PTPRD: variants seen among roughly 807,000 people sequenced by gnomAD.
PTPRD encodes the protein protein tyrosine phosphatase receptor type D.
Under a neutral mutation model 214.5 loss-of-function variants are expected in PTPRD, and 34 were observed. The observed-to-expected ratio is 0.16, with a 90% CI of 0.12 to 0.21. The LOEUF is 0.21. Ranked by LOEUF, PTPRD falls within the 10% of genes least tolerant of loss-of-function variation. The pLI is 1.00. For synonymous variants in PTPRD, 1,128 were observed against 845.7 expected (o/e 1.33, Z -5.79); for missense variants, 2,545 against 2,398.7 (o/e 1.06, Z -1.27).
intron 11 of PTPRD, among the ~76,000 whole-genome samples, chr9:9,002,998 G>C (rs995416858): frequency 6.6e-6 from 1 of 152,044 alleles, no homozygotes; most frequent in Non-Finnish European, 1.5e-5. Flanking sequence ...AATCACCGTA[G>C]AAGTATTTAA....
rs75225598 is a variant in PTPRD, at chr9:8,908,239, A to G, written c.-104+110458T>C. ...GAAAGCAAAATAAAGACATTCTAAAATAAGGAAAGACTAAGATGTTTGTTG... is the reference window on the plus strand; with the variant it reads ...GAAAGCAAAATAAAGACATTCTAAAGTAAGGAAAGACTAAGATGTTTGTTG... On this transcript the variant is annotated intron_variant, in intron 11 of 45. Coordinates refer to ENST00000381196, the MANE Select transcript of PTPRD (RefSeq NM_002839.4). 1.7e-4 allele frequency among the ~76,000 whole-genome samples: 26 copies of G among 152,350 alleles called. No homozygotes were observed. The East Asian group carries it at 5.0e-3, about 29-fold the overall frequency.
intron 11 of PTPRD, among the ~76,000 whole-genome samples, chr9:9,008,166 A>G (rs1197525029): frequency 2.0e-5 from 3 of 149,140 alleles, no homozygotes; most frequent in African/African-American, 4.9e-5. Context: ...GCCACAGTCC[A>G]TGAGAGTCTG....
At chr9:8,500,427 T>G (rs1481928452) in intron 24 of PTPRD, among the ~76,000 whole-genome samples, 1 of 149,880 alleles carries the variant, frequency 6.7e-6, no homozygotes, top group Non-Finnish European at 1.5e-5. Context: ...GTAAAAGAAG[T>G]GACTACAAAA....
chr9:9,751,652 C>T (rs534059071), intron 6 of PTPRD, among the ~76,000 whole-genome samples: 6 of 152,062 alleles, frequency 3.9e-5, no homozygotes, highest in Admixed American at 1.3e-4. Flanking sequence ...AAGAGACACA[C>T]GGTACAAACA....
rs764915232 is a variant in PTPRD, at chr9:8,809,073, G to A, written c.-103-75127C>T. Among the ~76,000 whole-genome samples, 6 of 152,204 alleles carry A rather than the reference G, an allele frequency of 3.9e-5. No homozygotes were observed. The East Asian group carries it at 9.7e-4, about 25-fold the overall frequency. On this transcript the variant is annotated intron_variant, in intron 11 of 45. Coordinates refer to ENST00000381196, the MANE Select transcript of PTPRD (RefSeq NM_002839.4). ...CTAAGACCACAGCTTGGTTTTCAAG[G>A]TCACCAAGCTAGTTGTTACACCACT...
At chr9:10,418,617 C>T (rs1478661121) in intron 2 of PTPRD, among the ~76,000 whole-genome samples, 2 of 151,968 alleles carry the variant, frequency 1.3e-5, no homozygotes, top group East Asian at 2.0e-4. Flanking sequence ...CCCACTCCCA[C>T]TTCCACCCTA....
At chr9:10,270,167 T>C (rs1043699027) in intron 3 of PTPRD, among the ~76,000 whole-genome samples, 3 of 152,120 alleles carry the variant, frequency 2.0e-5, no homozygotes, top group Non-Finnish European at 4.4e-5. Context: ...GGAAATATAA[T>C]TACATACATA....
chr9:9,358,842 AG>A (rs1157315215), intron 9 of PTPRD, among the ~76,000 whole-genome samples: 1 of 151,356 alleles, frequency 6.6e-6, no homozygotes, highest in Non-Finnish European at 1.5e-5. Context: ...ATTCTTGTAT[AG>A]GAAACTCAAG....
intron 2 of PTPRD, among the ~76,000 whole-genome samples, chr9:10,487,288 C>A (rs2099138975): frequency 6.6e-6 from 1 of 152,142 alleles, no homozygotes; most frequent in South Asian, 2.1e-4. Context: ...AGTCCACTTA[C>A]ATTCAATGTT....
intron 36 of PTPRD, 60 bp from the exon 37 acceptor site, chr9:8,389,467 G>T: frequency 7.5e-7 from 1 of 1,326,630 alleles, no homozygotes; most frequent in Non-Finnish European, 1.0e-6. Context: ...AACAGCCTGG[G>T]ACATGACCTA....
intron 8 of PTPRD, among the ~76,000 whole-genome samples, chr9:9,495,824 C>T (rs1421396268): frequency 6.6e-6 from 1 of 152,204 alleles, no homozygotes; most frequent in Non-Finnish European, 1.5e-5. Flanking sequence ...TGGCAGAGGG[C>T]AGCCACCCCA....
chr9:9,609,059 T>C (rs2094360393), intron 7 of PTPRD, among the ~76,000 whole-genome samples: 1 of 152,184 alleles, frequency 6.6e-6, no homozygotes, highest in South Asian at 2.1e-4. Flanking sequence ...AAAAATGAAA[T>C]ATAGATCTGT....
intron 9 of PTPRD, among the ~76,000 whole-genome samples, chr9:9,228,411 G>A (rs565088829): frequency 8.5e-5 from 13 of 152,106 alleles, no homozygotes; most frequent in African/African-American, 2.6e-4. Context: ...ATATGTGCAT[G>A]TGTATTTGCA....
intron 25 of PTPRD, among the ~76,000 whole-genome samples, chr9:8,498,282 A>T (rs1328022605): frequency 6.6e-6 from 1 of 151,768 alleles, no homozygotes; most frequent in Non-Finnish European, 1.5e-5. Flanking sequence ...TTATTTTTTT[A>T]ATTTTATTTT....
intron 14 of PTPRD, among the ~76,000 whole-genome samples, chr9:8,580,222 A>C (rs1174894326): frequency 6.6e-6 from 1 of 152,198 alleles, no homozygotes; most frequent in Admixed American, 6.5e-5. Context: ...TAAAGGAACA[A>C]GGTAATATGC....
intron 6 of PTPRD, among the ~76,000 whole-genome samples, chr9:9,743,770 A>ACAC (rs371763537): frequency 2.1e-5 from 3 of 145,260 alleles, no homozygotes; most frequent in Non-Finnish European, 3.0e-5. Flanking sequence ...ACACACACAC[A>ACAC]ATTTATACTG....
intron 7 of PTPRD, among the ~76,000 whole-genome samples, chr9:9,628,229 C>G (rs1435064353): frequency 6.6e-6 from 1 of 152,222 alleles, no homozygotes; most frequent in East Asian, 1.9e-4. Context: ...GTCACTTCAC[C>G]CATAACACAT....
intron 5 of PTPRD, among the ~76,000 whole-genome samples, chr9:9,784,996 G>T (rs1262540679): frequency 6.6e-6 from 1 of 151,124 alleles, no homozygotes; most frequent in East Asian, 1.9e-4. Flanking sequence ...TCACCAACAC[G>T]GTTTAGCTAA....
chr9:10,041,661 C>G (rs920349005), intron 3 of PTPRD, among the ~76,000 whole-genome samples: 1 of 151,714 alleles, frequency 6.6e-6, no homozygotes, highest in Non-Finnish European at 1.5e-5. Flanking sequence ...GTCTAGGTAT[C>G]AATGTTATGA....
Sources: allele counts gnomAD v4.1 joint callset (sites outside exome capture counted in the v4.1 genomes callset), GRCh38; gene constraint gnomAD v4.1.1; transcripts MANE v1.5; gene names NCBI Gene and HGNC (gene_info 2026-07-23, HGNC 2026-07-21).